The following PRKN variants were observed in gnomAD, a reference collection of about 807,000 sequenced individuals.
PRKN encodes the protein parkin RBR E3 ubiquitin protein ligase.
A neutral mutation model predicts 59.5 loss-of-function variants in PRKN; 56 were observed. The observed-to-expected ratio is 0.94, with a 90% confidence interval of 0.76 to 1.18. The LOEUF (loss-of-function observed/expected upper bound fraction) is 1.18, where lower values mean the gene tolerates loss of function less well. PRKN is among the 50% of genes most tolerant of loss of function. The pLI is 0.00. For missense variants in PRKN, 657 were observed against 596.4 expected (o/e 1.10, Z -1.06); for synonymous variants, 250 against 222.1 (o/e 1.13, Z -1.12).
At chr6:162,380,451 ATATACACACATATATATGTGTG>A (rs1786387977) in intron 2 of PRKN, among the ~76,000 whole-genome samples, 1 of 87,496 alleles carries the variant, frequency 1.1e-5, no homozygotes, top group African/African-American at 6.6e-5. Context: ...ATATATGTAT[ATATACACACATATATATGTGTG>A]TATATATATG....
At chr6:162,039,693 C>T (rs1239976207) in intron 5 of PRKN, among the ~76,000 whole-genome samples, 1 of 152,186 alleles carries the variant, frequency 6.6e-6, no homozygotes, top group East Asian at 1.9e-4. Context: ...AAGTACTCAA[C>T]CTTAGGTATT....
intron 6 of PRKN, among the ~76,000 whole-genome samples, chr6:161,901,422 C>G (rs1777911929): frequency 6.6e-6 from 1 of 152,178 alleles, no homozygotes; most frequent in Admixed American, 6.5e-5. Flanking sequence ...TCTCCTTCAC[C>G]CCTGTGCCTG....
At chr6:161,759,468 T>C (rs1789097655) in intron 7 of PRKN, among the ~76,000 whole-genome samples, 1 of 149,332 alleles carries the variant, frequency 6.7e-6, no homozygotes, top group African/African-American at 2.5e-5. Flanking sequence ...TGTCCCATTT[T>C]GACTTGTAAA....
chr6:161,690,115 C>T (rs576860882), intron 7 of PRKN, among the ~76,000 whole-genome samples: 2 of 152,292 alleles, frequency 1.3e-5, no homozygotes, highest in African/African-American at 4.8e-5. Context: ...CCAGTGATTA[C>T]ACTGTAAGGT....
At chr6:162,065,048 G>C (rs919382184) in intron 4 of PRKN, among the ~76,000 whole-genome samples, 3 of 152,250 alleles carry the variant, frequency 2.0e-5, no homozygotes, top group Non-Finnish European at 4.4e-5. Flanking sequence ...GTTCTTCAGA[G>C]GGGCAGAACT....
At chr6:162,472,818 C>A (rs1362307388) in intron 1 of PRKN, among the ~76,000 whole-genome samples, 3 of 143,520 alleles carry the variant, frequency 2.1e-5, no homozygotes, top group East Asian at 5.0e-4. Context: ...ATATATATAT[C>A]TTAGTAGAAG....
intron 3 of PRKN, among the ~76,000 whole-genome samples, chr6:162,225,533 T>C (rs1778133164): frequency 6.6e-6 from 1 of 152,144 alleles, no homozygotes; most frequent in Non-Finnish European, 1.5e-5. Flanking sequence ...AACCTTCTTT[T>C]TCATACTAAC....
chr6:161,461,439 T>C lies in PRKN; in HGVS notation c.1084-74562A>G, dbSNP rs545433257. Among the ~76,000 whole-genome samples the C allele has an allele frequency of 6.6e-6, 1 of 151,998 alleles. No individual in the cohort carries two copies. Among genetic ancestry groups the C allele is most frequent in the Non-Finnish European group, 1.5e-5 (1 of 68,008 alleles). On this transcript the variant is annotated intron_variant, in intron 9 of 11. Transcript: ENST00000366898. The surrounding 1 kb of genome is among the most constrained non-coding windows in gnomAD (Gnocchi z 5.1). ...TGGGGGGTGTTATGAGCATATTTTA[T>C]GGTATGGGGATAAAGGATGGATTAC...
chr6:161,607,266 C>G (rs142318301), intron 7 of PRKN, among the ~76,000 whole-genome samples: 1 of 152,036 alleles, frequency 6.6e-6, no homozygotes, highest in Admixed American at 6.5e-5. Flanking sequence ...ACCTTGCACA[C>G]GGTTTCCAAT....
At chr6:162,100,678 A>G (rs1457524964) in intron 4 of PRKN, among the ~76,000 whole-genome samples, 2 of 151,964 alleles carry the variant, frequency 1.3e-5, no homozygotes, top group Non-Finnish European at 2.9e-5. Flanking sequence ...CTGACCTCAG[A>G]TGATCTGTCC....
chr6:161,516,034 G>C (rs1778574172), intron 9 of PRKN, among the ~76,000 whole-genome samples: 1 of 152,116 alleles, frequency 6.6e-6, no homozygotes, highest in Non-Finnish European at 1.5e-5. Context: ...TAACCATCAA[G>C]CTGGCTTTTA....
intron 3 of PRKN, among the ~76,000 whole-genome samples, chr6:162,228,091 G>A (rs1352977843): frequency 6.6e-6 from 1 of 152,134 alleles, no homozygotes; most frequent in Non-Finnish European, 1.5e-5. Flanking sequence ...ACTACGCTGA[G>A]CTCATTCAAG....
At chr6:162,575,801 T>C (rs1583836434) in intron 1 of PRKN, among the ~76,000 whole-genome samples, 1 of 152,138 alleles carries the variant, frequency 6.6e-6, no homozygotes, top group East Asian at 1.9e-4. Context: ...ATAAACACCA[T>C]AGGATTTGTG....
chr6:162,583,718 G>T (rs1780882773), intron 1 of PRKN, among the ~76,000 whole-genome samples: 1 of 152,042 alleles, frequency 6.6e-6, no homozygotes, highest in African/African-American at 2.4e-5. Flanking sequence ...CTCTACATGA[G>T]CATATTTAAG....
At position 161,498,429 on chromosome 6, in the gene PRKN, G is replaced by A. The variant is rs565479045; in HGVS notation, c.1083+50425C>T. ...TCCCAACACACCACATGACCCCGCCGTGCCAGCCATTCACACTGCTCACAG... is the reference window on the plus strand; with the variant it reads ...TCCCAACACACCACATGACCCCGCCATGCCAGCCATTCACACTGCTCACAG... On this transcript the variant is annotated intron_variant, in intron 9 of 11. Transcript: ENST00000366898. The surrounding 1 kb of genome is among the most constrained non-coding windows in gnomAD (Gnocchi z 4.2). Among the ~76,000 whole-genome samples the A allele has an allele frequency of 3.3e-5, 5 of 152,182 alleles. No homozygotes were observed. Among genetic ancestry groups the A allele is most frequent in the South Asian group, 2.1e-4 (1 of 4,816 alleles).
chr6:161,843,021 G>A (rs917369338), intron 6 of PRKN, among the ~76,000 whole-genome samples: 1 of 152,158 alleles, frequency 6.6e-6, no homozygotes, highest in African/African-American at 2.4e-5. Context: ...TATGACAGGC[G>A]ATCCTTGGAG....
At chr6:161,846,222 A>G (rs574071567) in intron 6 of PRKN, among the ~76,000 whole-genome samples, 1 of 152,258 alleles carries the variant, frequency 6.6e-6, no homozygotes, top group Admixed American at 6.5e-5. Context: ...ATTTCTTCCA[A>G]TGTCTCACAC....
At chr6:162,180,727 G>C (rs1783766717) in intron 4 of PRKN, among the ~76,000 whole-genome samples, 1 of 152,182 alleles carries the variant, frequency 6.6e-6, no homozygotes. Context: ...GGGGAACTGA[G>C]TTAACCAATA....
In PRKN at chr6:161,372,438, A is replaced by G. The variant is rs1000763925; in HGVS notation, c.1168-12233T>C. ...TAGTTATTCTGGCACAAAGTAGACT[A>G]TTATTTTTGCTAGAGTGAATGCAGA... is the stretch of plus-strand genomic sequence containing the variant. On this transcript the variant is annotated intron_variant, in intron 10 of 11. Coordinates refer to ENST00000366898, the MANE Select transcript of PRKN (RefSeq NM_004562.3). The surrounding 1 kb of genome is among the most constrained non-coding windows in gnomAD (Gnocchi z 4.2). Among the ~76,000 whole-genome samples, 4 of 152,236 alleles carry G rather than the reference A, an allele frequency of 2.6e-5. No individual in the cohort carries two copies. Among genetic ancestry groups the G allele is most frequent in the African/African-American group, 9.7e-5 (4 of 41,448 alleles).
Sources: allele counts gnomAD v4.1 joint callset (sites outside exome capture counted in the v4.1 genomes callset), GRCh38; gene constraint gnomAD v4.1.1; non-coding constraint Gnocchi (gnomAD v3.1); transcripts MANE v1.5; gene names NCBI Gene and HGNC (gene_info 2026-07-23, HGNC 2026-07-21).